Variants in ARL13B observed in about 807,000 individuals in gnomAD.
ARL13B encodes ADP-ribosylation factor-like protein 13B.
A neutral mutation model predicts 56.1 loss-of-function variants in ARL13B; 36 were observed. The observed-to-expected ratio is 0.64, with a 90% CI of 0.49 to 0.85. The LOEUF (loss-of-function observed/expected upper bound fraction) is 0.85. ARL13B is among the 40% of genes least tolerant of loss of function. The probability of loss-of-function intolerance (pLI) is 0.00; values close to 1 mark genes in which losing one functional copy is unlikely to be tolerated. For synonymous variants in ARL13B, 178 were observed against 171.1 expected (o/e 1.04, Z -0.32); for missense variants, 519 against 507.1 (o/e 1.02, Z -0.23).
intron 7 of ARL13B, among the ~76,000 whole-genome samples, chr3:94,048,939 T>C (rs1194647288): frequency 1.3e-5 from 2 of 152,174 alleles, no homozygotes; most frequent in Admixed American, 1.3e-4. Flanking sequence ...TAGATTTGTT[T>C]AGGGCCTTTT....
intron 9 of ARL13B, among the ~76,000 whole-genome samples, chr3:94,052,768 T>C (rs1316608279): frequency 6.6e-6 from 1 of 152,134 alleles, no homozygotes; most frequent in Non-Finnish European, 1.5e-5. Context: ...AAAACATTTT[T>C]TGTTGCAATG....
chr3:93,980,726 AGTGTGTGTGTGTGT>A lies in ARL13B; in HGVS notation c.59+266_59+279del, dbSNP rs35756044. Among the ~76,000 whole-genome samples, 644 of 147,066 alleles carry A rather than the reference AGTGTGTGTGTGTGT, an allele frequency of 4.4e-3. 7 individuals are homozygous for A. Among genetic ancestry groups the A allele is most frequent in the African/African-American group, 0.014 (578 of 40,244 alleles). On this transcript the variant is annotated intron_variant, in intron 1 of 9. Transcript: ENST00000394222. ...TTAAATAGGTTTGAATTTGTTAAAA[AGTGTGTGTGTGTGT>A]GTGTGTGTGTGTGTGTGTGTGGAAT... is the stretch of plus-strand genomic sequence containing the variant.
chr3:94,030,420 A>T (rs1194178950), intron 3 of ARL13B, among the ~76,000 whole-genome samples: 4 of 147,930 alleles, frequency 2.7e-5, no homozygotes, highest in Non-Finnish European at 6.0e-5. Context: ...TTTTTAGTAA[A>T]GACAGGGTTT....
intron 3 of ARL13B, among the ~76,000 whole-genome samples, chr3:94,025,419 A>G (rs2076535652): frequency 6.6e-6 from 1 of 152,184 alleles, no homozygotes; most frequent in African/African-American, 2.4e-5. Context: ...GTCTTGGTTT[A>G]TGGATCCTAT....
At chr3:94,039,052 C>A (rs2076818395) in intron 5 of ARL13B, among the ~76,000 whole-genome samples, 2 of 152,104 alleles carry the variant, frequency 1.3e-5, no homozygotes, top group Non-Finnish European at 2.9e-5. Context: ...TCATATACTT[C>A]TATAGAATCA....
At chr3:94,001,972 C>T (rs2076063116) in intron 2 of ARL13B, among the ~76,000 whole-genome samples, 1 of 152,240 alleles carries the variant, frequency 6.6e-6, no homozygotes, top group East Asian at 1.9e-4. Flanking sequence ...AAAGTATTAG[C>T]AAAAGTATGA....
At chr3:94,029,345 T>A (rs28429317) in intron 3 of ARL13B, among the ~76,000 whole-genome samples, 1,647 of 104,342 alleles carry the variant, frequency 0.016, 71 homozygotes, top group African/African-American at 0.064. Flanking sequence ...TTTATTTTTT[T>A]TTTATTTTTT....
At position 94,054,815 on chromosome 3, in the gene ARL13B, T is replaced by A. The variant is rs1277657777; in HGVS notation, c.*1552T>A. ...CATTTGATTTCAGATCTAAAATTCG[T>A]AACAACCTAAATTTGAGAGGTGGCT... On this transcript the variant is annotated 3_prime_UTR_variant, in exon 10 of 10. Transcript: ENST00000394222. 2.6e-6 allele frequency: 1 copy of A among 379,530 alleles called. No individual in the cohort carries two copies. Among genetic ancestry groups the A allele is most frequent in the Non-Finnish European group, 5.2e-6 (1 of 193,200 alleles). The allele number at this position is 379,530 out of a possible 1,614,324, so 23.5% of individuals were successfully genotyped here.
intron 6 of ARL13B, among the ~76,000 whole-genome samples, chr3:94,041,124 A>T (rs980232687): frequency 2.0e-5 from 3 of 152,030 alleles, no homozygotes; most frequent in Admixed American, 6.6e-5. Flanking sequence ...TTTTCCCCAC[A>T]AAACTTTTTT....
chr3:94,031,791 A>G (rs1266832756), intron 3 of ARL13B, among the ~76,000 whole-genome samples: 2 of 152,216 alleles, frequency 1.3e-5, no homozygotes, highest in Non-Finnish European at 2.9e-5. Context: ...TGGTACTGGT[A>G]TAGAAATAGA....
chr3:94,024,590 TTTG>T (rs2076517196), intron 3 of ARL13B, among the ~76,000 whole-genome samples: 1 of 152,104 alleles, frequency 6.6e-6, no homozygotes, highest in Non-Finnish European at 1.5e-5. Context: ...GGCGTGTTGT[TTTG>T]TTTTATTTTT....
At chr3:94,012,424 A>G (rs1258848274) in intron 3 of ARL13B, among the ~76,000 whole-genome samples, 1 of 152,088 alleles carries the variant, frequency 6.6e-6, no homozygotes, top group African/African-American at 2.4e-5. Flanking sequence ...TCTAATCTGT[A>G]TCCTGTAATT....
At chr3:94,043,949 C>G (rs1206588111) in intron 7 of ARL13B, among the ~76,000 whole-genome samples, 3 of 151,790 alleles carry the variant, frequency 2.0e-5, no homozygotes, top group Non-Finnish European at 4.4e-5. Context: ...GAGTCTCGCT[C>G]ACTCAACGCT....
Position 94,054,773 on chromosome 3 carries a change from A to G in ARL13B, c.*1510A>G. The G allele has an allele frequency of 2.4e-6, 1 of 416,142 alleles. No individual in the cohort carries two copies. The highest frequency in any genetic ancestry group is 1.8e-5 in the South Asian group (1 of 56,614). 25.8% of individuals were successfully genotyped at this position (416,142 alleles called of 1,614,324 possible). A position where few individuals can be genotyped will look rare whatever the true frequency, so the allele number is the denominator to read the frequency against. ...TTTGTACATGGGACTTAGCAACCAC[A>G]CTGAGTGAGGTAAAAGCATTTGATT... On this transcript the variant is annotated 3_prime_UTR_variant, in exon 10 of 10. Transcript: ENST00000394222.
chr3:93,989,789 A>C (rs1305566473), intron 1 of ARL13B, among the ~76,000 whole-genome samples: 1 of 152,122 alleles, frequency 6.6e-6, no homozygotes, highest in Admixed American at 6.6e-5. Flanking sequence ...GCTACATTTC[A>C]GAGTACCCAT....
rs1401809476 is a variant in ARL13B at position 94,035,361 on chromosome 3, T to C, written c.411T>C (p.Ala137=). The change falls in exon 4 of 10, where the codon GCT becomes GCC. Residue 137 remains alanine (A), a synonymous_variant. Transcript: ENST00000394222. The part of the protein sequence containing the change: ...VLANKQDKEG[A]LGEADVIECL... ...CAAATAAACAAGATAAAGAAGGAGC[T>C]TTAGGAGAAGCTGATGTCATTGAAT... 1 of 1,611,630 alleles carries C rather than the reference T, an allele frequency of 6.2e-7. No individual in the cohort carries two copies. The highest frequency in any genetic ancestry group is 1.7e-5 in the Admixed American group (1 of 59,754).
At chr3:94,040,132 A>G in intron 6 of ARL13B, 144 bp downstream of exon 6, 2 of 735,824 alleles carry the variant, frequency 2.7e-6, no homozygotes, top group Non-Finnish European at 4.5e-6. Context: ...AACATGAGAG[A>G]CTGATTAAAG....
At chr3:93,988,783 T>A (rs1439034107) in intron 1 of ARL13B, 1 of 398,394 alleles carries the variant, frequency 2.5e-6, no homozygotes, top group Non-Finnish European at 4.9e-6. Context: ...CCCATTTGTT[T>A]GCATTTTTTT....
At chr3:93,996,021 T>A in intron 2 of ARL13B, 77 bp downstream of exon 2, 1 of 1,428,916 alleles carries the variant, frequency 7.0e-7, no homozygotes, top group Non-Finnish European at 9.7e-7. Flanking sequence ...AGTTGCTTTA[T>A]TCCTTATTAA....
Sources: gnomAD v4.1 joint callset for allele counts (sites outside exome capture counted in the v4.1 genomes callset) on GRCh38, gnomAD v4.1.1 for gene constraint, MANE v1.5 for transcripts, NCBI Gene and HGNC (gene_info 2026-07-23, HGNC 2026-07-21) for gene names.